MAGI2: variants seen among roughly 807,000 people sequenced by gnomAD.
MAGI2 encodes membrane-associated guanylate kinase, WW and PDZ domain-containing protein 2.
Under a neutral mutation model 133.3 loss-of-function variants are expected in MAGI2, and 35 were observed. The observed-to-expected ratio is 0.26, with a 90% CI of 0.20 to 0.35. The LOEUF (loss-of-function observed/expected upper bound fraction) is 0.35, where lower values mean the gene tolerates loss of function less well. MAGI2 is among the 10% of genes least tolerant of loss of function. The pLI, the probability that MAGI2 is intolerant of heterozygous loss-of-function variation, is 1.00. For synonymous variants in MAGI2, 729 were observed against 710.6 expected, an observed-to-expected ratio of 1.03 and a Z score of -0.41; for missense variants, 1,636 against 1,863.4, an observed-to-expected ratio of 0.88 and a Z score of 2.25.
At chr7:79,239,849 C>T (rs1395091857) in intron 1 of MAGI2, among the ~76,000 whole-genome samples, 2 of 152,192 alleles carry the variant, frequency 1.3e-5, no homozygotes, top group African/African-American at 4.8e-5. Flanking sequence ...TCCTGTCAAT[C>T]GCAGCTTTAT....
chr7:78,053,591 A>C (rs1457660526), intron 21 of MAGI2, among the ~76,000 whole-genome samples: 1 of 152,264 alleles, frequency 6.6e-6, no homozygotes, highest in Non-Finnish European at 1.5e-5. Context: ...TCAGAAAAAC[A>C]TAAACACCTT....
At chr7:78,830,057 A>G (rs1348459953) in intron 2 of MAGI2, among the ~76,000 whole-genome samples, 3 of 152,082 alleles carry the variant, frequency 2.0e-5, no homozygotes, top group Non-Finnish European at 4.4e-5. Context: ...ATAATTTTCT[A>G]TTAACATTTC....
intron 3 of MAGI2, among the ~76,000 whole-genome samples, chr7:78,535,896 C>G (rs1364042989): frequency 6.6e-6 from 1 of 150,932 alleles, no homozygotes; most frequent in East Asian, 2.0e-4. Flanking sequence ...CCGCCTCCCC[C>G]CAACACTCAG....
intron 21 of MAGI2, among the ~76,000 whole-genome samples, chr7:78,061,449 C>G (rs1563069239): frequency 7.2e-6 from 1 of 138,132 alleles, no homozygotes; most frequent in South Asian, 2.5e-4. Context: ...CACACACACA[C>G]ACACACACGA....
chr7:78,379,921 G>A (rs1256255347), intron 6 of MAGI2, among the ~76,000 whole-genome samples: 1 of 151,960 alleles, frequency 6.6e-6, no homozygotes, highest in Non-Finnish European at 1.5e-5. Context: ...TAGAAATTAA[G>A]AATTTGAAAT....
At chr7:78,823,982 T>C (rs1403561409) in intron 2 of MAGI2, among the ~76,000 whole-genome samples, 1 of 152,148 alleles carries the variant, frequency 6.6e-6, no homozygotes, top group African/African-American at 2.4e-5. Flanking sequence ...TAAGTTCCTA[T>C]TGAAATTTCT....
intron 21 of MAGI2, among the ~76,000 whole-genome samples, chr7:78,046,559 A>G (rs938796105): frequency 7.2e-5 from 11 of 152,186 alleles, no homozygotes; most frequent in African/African-American, 2.7e-4. Context: ...GAATTCACTA[A>G]CAGATCCATT....
At chr7:78,912,030 T>C (rs1798437305) in intron 2 of MAGI2, among the ~76,000 whole-genome samples, 1 of 152,258 alleles carries the variant, frequency 6.6e-6, no homozygotes, top group South Asian at 2.1e-4. Context: ...AAAAATTATA[T>C]TTTTAATTTA....
Position 78,412,056 on chromosome 7 carries a change from G to A in MAGI2, c.1046-42843C>T, listed in dbSNP as rs7781917. ...GGTAATTGTTAAGTGCAACTTTAAG[G>A]CATTGTAAGAGAATAATATGTTTAT... On this transcript the variant is annotated intron_variant, in intron 6 of 21. Transcript: ENST00000354212. Among the ~76,000 whole-genome samples the A allele has an allele frequency of 4.4e-3, 676 of 152,000 alleles. 6 individuals are homozygous for A. Among genetic ancestry groups the A allele is most frequent in the African/African-American group, 0.015 (626 of 41,454 alleles).
At chr7:78,174,925 T>G (rs1256065440) in intron 14 of MAGI2, among the ~76,000 whole-genome samples, 2 of 152,196 alleles carry the variant, frequency 1.3e-5, no homozygotes. Context: ...TGAGCATCCC[T>G]GGCTGGCAAT....
chr7:78,315,827 T>C (rs993734550), intron 9 of MAGI2, among the ~76,000 whole-genome samples: 2 of 152,234 alleles, frequency 1.3e-5, no homozygotes, highest in Non-Finnish European at 2.9e-5. Flanking sequence ...TGCAGGTGTA[T>C]AAACATGTTC....
At chr7:78,983,852 C>G (rs1805004499) in intron 2 of MAGI2, among the ~76,000 whole-genome samples, 1 of 151,872 alleles carries the variant, frequency 6.6e-6, no homozygotes, top group Non-Finnish European at 1.5e-5. Context: ...CATCTGAACT[C>G]CAGGTAATCT....
At chr7:78,050,896 G>T (rs981158761) in intron 21 of MAGI2, among the ~76,000 whole-genome samples, 1 of 152,166 alleles carries the variant, frequency 6.6e-6, no homozygotes, top group Non-Finnish European at 1.5e-5. Context: ...CACTAACTCA[G>T]CAGCAACCCC....
At chr7:79,214,012 A>G (rs1344104698) in intron 1 of MAGI2, among the ~76,000 whole-genome samples, 1 of 151,998 alleles carries the variant, frequency 6.6e-6, no homozygotes, top group Non-Finnish European at 1.5e-5. Flanking sequence ...GGGAATTTAA[A>G]CTGGATTTTA....
chr7:78,454,967 G>A (rs1440496733), intron 6 of MAGI2, among the ~76,000 whole-genome samples: 1 of 152,076 alleles, frequency 6.6e-6, no homozygotes, highest in Non-Finnish European at 1.5e-5. Context: ...ACTATATTCT[G>A]TATAATACTT....
At chr7:78,992,532 A>G (rs1805892409) in intron 2 of MAGI2, among the ~76,000 whole-genome samples, 1 of 152,042 alleles carries the variant, frequency 6.6e-6, no homozygotes, top group Non-Finnish European at 1.5e-5. Flanking sequence ...ATAAGTTGTT[A>G]TAAAGATAGC....
At chr7:78,511,865 G>A (rs922380804) in intron 4 of MAGI2, among the ~76,000 whole-genome samples, 1 of 151,624 alleles carries the variant, frequency 6.6e-6, no homozygotes, top group African/African-American at 2.4e-5. Flanking sequence ...GGAGGCCGAG[G>A]TGGGTGGATC....
chr7:78,458,585 A>C (rs1028175886), intron 6 of MAGI2, among the ~76,000 whole-genome samples: 2 of 151,856 alleles, frequency 1.3e-5, no homozygotes, highest in Admixed American at 6.6e-5. Flanking sequence ...GTAACAAATA[A>C]TAGTTTACAA....
chr7:79,061,310 CT>C lies in MAGI2; in HGVS notation c.302-54105del, dbSNP rs887870478. On this transcript the variant is annotated intron_variant, in intron 1 of 21. Coordinates refer to ENST00000354212, the MANE Select transcript of MAGI2 (RefSeq NM_012301.4). ...AAGGACTGTTAGAAAAAAAAAAAGC[CT>C]TTTTTTTTCTCGGGCCTTTCATTAT... Among the ~76,000 whole-genome samples the C allele has an allele frequency of 1.0e-4, 15 of 150,670 alleles. 1 individual carries two copies. In the South Asian group the frequency reaches 1.3e-3, roughly 13 times the overall value.
Sources: allele counts gnomAD v4.1 joint callset (sites outside exome capture counted in the v4.1 genomes callset), GRCh38; gene constraint gnomAD v4.1.1; transcripts MANE v1.5; gene names NCBI Gene and HGNC (gene_info 2026-07-23, HGNC 2026-07-21).